Variants in TRIO observed in about 807,000 individuals in gnomAD.
TRIO encodes triple functional domain protein.
A neutral mutation model predicts 351.9 loss-of-function variants in TRIO; 58 were observed. The ratio of observed to expected loss-of-function variants is 0.16; its 90% CI spans 0.13 to 0.21. TRIO has a LOEUF of 0.21. Ranked by LOEUF, TRIO falls within the 10% of genes least tolerant of loss-of-function variation. The probability of loss-of-function intolerance (pLI) is 1.00; values close to 1 mark genes in which losing one functional copy is unlikely to be tolerated. For synonymous variants in TRIO, 1,758 were observed against 1,595.7 expected (o/e 1.10, Z -2.42); for missense variants, 3,201 against 4,027.8 (o/e 0.79, Z 5.56).
intron 7 of TRIO, among the ~76,000 whole-genome samples, chr5:14,301,754 C>T (rs370321488): frequency 1.3e-5 from 2 of 152,272 alleles, no homozygotes; most frequent in East Asian, 1.9e-4. Flanking sequence ...CACCCTGTTC[C>T]CTGTTCCATG....
At chr5:14,259,162 A>G (rs1049048967) in intron 1 of TRIO, among the ~76,000 whole-genome samples, 5 of 152,214 alleles carry the variant, frequency 3.3e-5, no homozygotes, top group Non-Finnish European at 5.9e-5. Context: ...GTGTGTTTGC[A>G]TCGTTCTGTT....
In TRIO at chr5:14,388,595, T is replaced by A. The variant is rs546000267; in HGVS notation, c.3882-18T>A. The A allele has an allele frequency of 3.7e-5, 59 of 1,610,378 alleles. 1 individual carries two copies. The South Asian group carries it at 6.0e-4, about 16-fold the overall frequency. ...GCTGCACCCTGACTGTACTCCTCAC[T>A]GTCTTCCTCTCTTTAAGGTTCATAA... On this transcript the variant is annotated intron_variant, in intron 23 of 56. Coordinates refer to ENST00000344204, the MANE Select transcript of TRIO (RefSeq NM_007118.4).
At chr5:14,258,820 T>C (rs1795173662) in intron 1 of TRIO, among the ~76,000 whole-genome samples, 1 of 152,192 alleles carries the variant, frequency 6.6e-6, no homozygotes, top group South Asian at 2.1e-4. Flanking sequence ...GTCACACAGT[T>C]GGAGCTGCTT....
chr5:14,272,714 G>A (rs1249036285), intron 2 of TRIO, among the ~76,000 whole-genome samples: 1 of 152,150 alleles, frequency 6.6e-6, no homozygotes, highest in African/African-American at 2.4e-5. Context: ...GTTAGTAGGT[G>A]TCACCTCACT....
Position 14,508,908 on chromosome 5 carries a change from G to A in TRIO, c.*486G>A, listed in dbSNP as rs1757904013. The A allele has an allele frequency of 6.0e-6, 1 of 166,236 alleles. No individual in the cohort carries two copies. Among genetic ancestry groups the A allele is most frequent in the African/African-American group, 2.4e-5 (1 of 41,522 alleles). The allele number at this position is 166,236 out of a possible 1,614,324, so 10.3% of individuals were successfully genotyped here. A position where few individuals can be genotyped will look rare whatever the true frequency, so the allele number is the denominator to read the frequency against. On this transcript the variant is annotated 3_prime_UTR_variant, in exon 57 of 57. Transcript: ENST00000344204. ...GAGCTTCCAGGCGCCTCGTCTGTGT[G>A]CATCTCACGCCCGACGTGGCTTCTG... is the stretch of plus-strand genomic sequence containing the variant.
rs1387494323 is a variant in TRIO at position 14,324,450 on chromosome 5, T to C, written c.1732-6328T>C. ...TTGACAGATGATTATCTATTTTCTC[T>C]GTGTGCTCTTTGGATGCAGAATTAC... On this transcript the variant is annotated intron_variant, in intron 9 of 56. Coordinates refer to ENST00000344204, the MANE Select transcript of TRIO (RefSeq NM_007118.4). Among the ~76,000 whole-genome samples the C allele has an allele frequency of 3.3e-5, 5 of 152,384 alleles. No individual in the cohort carries two copies. In the South Asian group the frequency reaches 1.0e-3, roughly 32 times the overall value.
chr5:14,326,743 A>G (rs1740428704), intron 9 of TRIO, among the ~76,000 whole-genome samples: 1 of 152,184 alleles, frequency 6.6e-6, no homozygotes, highest in Non-Finnish European at 1.5e-5. Flanking sequence ...AAGGCCTGTA[A>G]TTTGCTTATC....
At chr5:14,277,346 G>GT (rs1217267084) in intron 2 of TRIO, among the ~76,000 whole-genome samples, 2 of 152,114 alleles carry the variant, frequency 1.3e-5, no homozygotes, top group African/African-American at 2.4e-5. Context: ...TTTTGTTTTT[G>GT]TTTTTTGCTT....
rs1337940358 is a variant in TRIO at position 14,498,506 on chromosome 5, A to T, written c.8211-13A>T. 1 of 1,612,800 alleles carries T rather than the reference A, an allele frequency of 6.2e-7. No individual in the cohort carries two copies. The highest frequency in any genetic ancestry group is 1.7e-5 in the Admixed American group (1 of 59,992). ...CTTTTCTGATGCGCAGTGTGTTCCC[A>T]TCTGTGCCGCAGTGACCTGGGAGAG... On this transcript the variant is annotated splice_polypyrimidine_tract_variant and intron_variant, in intron 52 of 56. Transcript: ENST00000344204.
In TRIO at chr5:14,316,738, C is replaced by G; in HGVS notation, c.1726C>G (p.Gln576Glu). 2 of 1,613,018 alleles carry G rather than the reference C, an allele frequency of 1.2e-6. No homozygotes were observed. The highest frequency in any genetic ancestry group is 1.7e-6 in the Non-Finnish European group (2 of 1,179,438). The change falls in exon 9 of 57, where the codon CAG becomes GAG. Residue 576 changes from glutamine (Q) to glutamate (E), a missense_variant. Coordinates refer to ENST00000344204, the MANE Select transcript of TRIO (RefSeq NM_007118.4). ...GCTGTGTGTTTTCCAGCAGGACGTTCAGCAGGTCAGTTTCGCCTCATGCCC... is the reference window on the plus strand; with the variant it reads ...GCTGTGTGTTTTCCAGCAGGACGTTGAGCAGGTCAGTTTCGCCTCATGCCC... ...LQLCVFQQDV[Q>E]QVLDWIENHG...
At chr5:14,366,744 G>T in intron 15 of TRIO, 116 bp from the exon 16 acceptor site, 1 of 1,477,524 alleles carries the variant, frequency 6.8e-7, no homozygotes, top group Non-Finnish European at 9.2e-7. Flanking sequence ...AGGCATCAGT[G>T]CCTCGTACCT....
At chr5:14,281,424 A>T (rs1430787653) in intron 3 of TRIO, among the ~76,000 whole-genome samples, 2 of 89,334 alleles carry the variant, frequency 2.2e-5, no homozygotes, top group Admixed American at 1.2e-4. Context: ...AGCCGTTAGA[A>T]CCCCCCCCCC....
Position 14,471,410 on chromosome 5 carries a change from C to G in TRIO, c.5856C>G (p.Ser1952=). The G allele has an allele frequency of 3.1e-6, 5 of 1,614,186 alleles. No individual in the cohort carries two copies. The highest frequency in any genetic ancestry group is 4.2e-6 in the Non-Finnish European group (5 of 1,180,030). The change falls in exon 38 of 57, where the codon TCC becomes TCG. Residue 1952 remains serine, a synonymous_variant. Coordinates refer to ENST00000344204, the MANE Select transcript of TRIO (RefSeq NM_007118.4). ...FNPSDNSLLS[S]SSPIDEMEER... is the part of the protein sequence containing the mutation. ...CTTCGGATAATTCCCTTCTCTCTTC[C>G]TCCTCGCCCATTGATGAGATGGAAG...
rs199591214 is a variant in TRIO, at chr5:14,389,459, C to A, written c.4058+61C>A. The A allele has an allele frequency of 5.6e-6, 7 of 1,243,144 alleles. No homozygotes were observed. The East Asian group carries it at 1.3e-4, about 23-fold the overall frequency. The allele number at this position is 1,243,144 out of a possible 1,614,324, so 77.0% of individuals were successfully genotyped here. ...AAATCCATGTGCTGAAGTTTCATCA[C>A]AAGAAATGAACCATTCCCATTGAAT... On this transcript the variant is annotated intron_variant, in intron 25 of 56. Transcript: ENST00000344204.
chr5:14,389,239 T>G, intron 24 of TRIO, 50 bp from the exon 25 acceptor site: 1 of 1,433,600 alleles, frequency 7.0e-7, no homozygotes, highest in Non-Finnish European at 9.5e-7. Context: ...AGCTGTTTCT[T>G]GAAAATATGG....
chr5:14,151,559 A>G (rs1260924216), intron 1 of TRIO, among the ~76,000 whole-genome samples: 1 of 152,246 alleles, frequency 6.6e-6, no homozygotes, highest in Non-Finnish European at 1.5e-5. Context: ...TTCCTAGTAT[A>G]TATGAAGTGA....
rs974667509 is a variant in TRIO, at chr5:14,508,736, G to C, written c.*314G>C. On this transcript the variant is annotated 3_prime_UTR_variant, in exon 57 of 57. Transcript: ENST00000344204. ...ATGAATAGAATTTTGCAAATTTAAC[G>C]TTTTCAAGATTTATTCAAGGAAACA... is the stretch of plus-strand genomic sequence containing the variant. The C allele has an allele frequency of 3.7e-4, 96 of 260,916 alleles. 1 individual carries two copies. The highest frequency in any genetic ancestry group is 1.2e-4 in the Non-Finnish European group (16 of 137,368). The allele number at this position is 260,916 out of a possible 1,614,324, so 16.2% of individuals were successfully genotyped here.
chr5:14,447,546 G>A (rs558617706), intron 34 of TRIO, among the ~76,000 whole-genome samples: 9 of 152,080 alleles, frequency 5.9e-5, no homozygotes, highest in African/African-American at 1.7e-4. Context: ...TTTTAAAACC[G>A]TTTTGCCTGG....
At chr5:14,363,704 TG>T in intron 13 of TRIO, 27 bp from the exon 14 acceptor site, 1 of 1,601,352 alleles carries the variant, frequency 6.2e-7, no homozygotes, top group Non-Finnish European at 8.5e-7. Flanking sequence ...ATATTTTTTT[TG>T]TCTTGATCTT....
Sources: gnomAD v4.1 joint callset for allele counts (sites outside exome capture counted in the v4.1 genomes callset) on GRCh38, gnomAD v4.1.1 for gene constraint, MANE v1.5 for transcripts, NCBI Gene and HGNC (gene_info 2026-07-23, HGNC 2026-07-21) for gene names.